ZNF141: variants seen among roughly 807,000 people sequenced by gnomAD.
ZNF141 encodes zinc finger protein 141 (clone pHZ-44).
A neutral mutation model predicts 11.3 loss-of-function variants in ZNF141; 7 were observed. The observed-to-expected ratio is 0.62, with a 90% CI of 0.35 to 1.16. The LOEUF (loss-of-function observed/expected upper bound fraction) is 1.16. Ranked by LOEUF, ZNF141 falls within the 50% of genes most tolerant of loss-of-function variation. The pLI is 0.02. For synonymous variants in ZNF141, 183 were observed against 190.7 expected, an observed-to-expected ratio of 0.96 and a Z score of 0.33; for missense variants, 535 against 554.0, an observed-to-expected ratio of 0.97 and a Z score of 0.34.
At chr4:361,140 C>A (rs1306805343) in intron 3 of ZNF141, among the ~76,000 whole-genome samples, 1 of 152,128 alleles carries the variant, frequency 6.6e-6, no homozygotes, top group Admixed American at 6.6e-5. Flanking sequence ...GAGCTAAGTA[C>A]ATTTACATTA....
chr4:358,882 A>C (rs1303021210), intron 3 of ZNF141, among the ~76,000 whole-genome samples: 1 of 152,068 alleles, frequency 6.6e-6, no homozygotes, highest in Non-Finnish European at 1.5e-5. Context: ...ACTCTTATTG[A>C]GATTTTTTAA....
At chr4:345,526 C>G (rs1553849395) in intron 3 of ZNF141, among the ~76,000 whole-genome samples, 1 of 151,928 alleles carries the variant, frequency 6.6e-6, no homozygotes, top group East Asian at 1.9e-4. Flanking sequence ...ATCGGGAGTA[C>G]AAGACTAGCC....
At chr4:352,086 G>T (rs1240904521) in intron 3 of ZNF141, among the ~76,000 whole-genome samples, 1 of 152,122 alleles carries the variant, frequency 6.6e-6, no homozygotes, top group East Asian at 1.9e-4. Flanking sequence ...GAGCAAACAA[G>T]ATTAGAAACA....
intron 3 of ZNF141, among the ~76,000 whole-genome samples, chr4:345,802 A>T (rs1451880214): frequency 6.6e-6 from 1 of 152,146 alleles, no homozygotes; most frequent in Non-Finnish European, 1.5e-5. Context: ...AAGCAAAAAA[A>T]GTCCTTGCAT....
At chr4:358,134 T>C in intron 3 of ZNF141, 1 of 381,172 alleles carries the variant, frequency 2.6e-6, no homozygotes, top group South Asian at 1.9e-5. Context: ...TTTTTAGTTC[T>C]ATTGTGTACT....
rs1553854141 is a variant in ZNF141 at position 373,790 on chromosome 4, C to T, written c.1353C>T (p.Tyr451=). 1 of 1,614,090 alleles carries T rather than the reference C, an allele frequency of 6.2e-7. No individual in the cohort carries two copies. The highest frequency in any genetic ancestry group is 2.2e-5 in the East Asian group (1 of 44,880). ...HKKIHTVDKP[Y]KCKDCDKAFK... Reference sequence around the variant, plus strand: ...AAATTCATACTGTAGATAAACCCTACAAATGTAAAGATTGTGACAAAGCCT... The same window carrying T: ...AAATTCATACTGTAGATAAACCCTATAAATGTAAAGATTGTGACAAAGCCT... Residue 451 remains tyrosine, a synonymous_variant, in exon 4 of 4, where the codon TAC becomes TAT. Transcript: ENST00000240499.
chr4:353,137 A>G (rs1308145808), intron 3 of ZNF141, among the ~76,000 whole-genome samples: 1 of 152,134 alleles, frequency 6.6e-6, no homozygotes, highest in Non-Finnish European at 1.5e-5. Context: ...CTTTGGAAGG[A>G]CGAGGAGTGC....
chr4:370,021 G>A (rs1051745440), intron 3 of ZNF141, among the ~76,000 whole-genome samples: 1 of 151,242 alleles, frequency 6.6e-6, no homozygotes, highest in East Asian at 1.9e-4. Context: ...TGCCTCAGCC[G>A]CTCAAAGTGC....
At position 367,581 on chromosome 4, in the gene ZNF141, A is replaced by G. The variant is rs576689120; in HGVS notation, c.227-5083A>G. Among the ~76,000 whole-genome samples the G allele has an allele frequency of 8.1e-5, 12 of 148,654 alleles. No homozygotes were observed. The East Asian group carries it at 2.4e-3, about 29-fold the overall frequency. On this transcript the variant is annotated intron_variant, in intron 3 of 3. Transcript: ENST00000240499. ...ACCCAGGCTGGAGTGCAGTGGTGCG[A>G]TATCAGTTCACTGCAACCTCTGCCT...
At chr4:342,344 G>A (rs1721087434) in intron 1 of ZNF141, among the ~76,000 whole-genome samples, 1 of 152,098 alleles carries the variant, frequency 6.6e-6, no homozygotes, top group Admixed American at 6.6e-5. Flanking sequence ...AACCTTATAG[G>A]GTCTGCAGAG....
chr4:368,478 G>A (rs1282496930), intron 3 of ZNF141, among the ~76,000 whole-genome samples: 3 of 152,156 alleles, frequency 2.0e-5, no homozygotes, highest in Non-Finnish European at 4.4e-5. Context: ...CTGACCTCAA[G>A]CGATCCACCT....
chr4:349,765 C>A (rs1721503451), intron 3 of ZNF141, among the ~76,000 whole-genome samples: 1 of 151,998 alleles, frequency 6.6e-6, no homozygotes, highest in Admixed American at 6.6e-5. Context: ...TTTGGACAGT[C>A]ATGGATTATT....
chr4:350,104 C>T (rs1553850199), intron 3 of ZNF141: 1 of 532,122 alleles, frequency 1.9e-6, no homozygotes, highest in Admixed American at 1.9e-5. Flanking sequence ...AGGACCACGT[C>T]TGGACTGTAG....
chr4:344,996 T>C (rs1553849294), intron 3 of ZNF141, among the ~76,000 whole-genome samples: 1 of 152,214 alleles, frequency 6.6e-6, no homozygotes, highest in East Asian at 1.9e-4. Flanking sequence ...ACTTTATCGC[T>C]TATAAGGGGC....
intron 3 of ZNF141, among the ~76,000 whole-genome samples, chr4:363,895 C>A (rs1553852584): frequency 6.6e-6 from 1 of 152,030 alleles, no homozygotes; most frequent in Non-Finnish European, 1.5e-5. Context: ...GAGTTTTTAG[C>A]TTGAAGGGCT....
intron 1 of ZNF141, among the ~76,000 whole-genome samples, chr4:341,649 A>G (rs1553848483): frequency 6.6e-6 from 1 of 152,150 alleles, no homozygotes; most frequent in African/African-American, 2.4e-5. Context: ...AGAGAGCAGA[A>G]GCCTAGGGCC....
At chr4:364,186 C>A (rs1553852635) in intron 3 of ZNF141, among the ~76,000 whole-genome samples, 2 of 152,182 alleles carry the variant, frequency 1.3e-5, no homozygotes, top group African/African-American at 4.8e-5. Flanking sequence ...GCTTTGGTAT[C>A]AGAATGATGC....
At chr4:365,012 G>A (rs1711669417) in intron 3 of ZNF141, among the ~76,000 whole-genome samples, 1 of 152,228 alleles carries the variant, frequency 6.6e-6, no homozygotes, top group Non-Finnish European at 1.5e-5. Flanking sequence ...TGGCTGCTTT[G>A]TTTACTTACT....
chr4:364,675 A>G (rs2108717339), intron 3 of ZNF141, among the ~76,000 whole-genome samples: 1 of 152,180 alleles, frequency 6.6e-6, no homozygotes, highest in South Asian at 2.1e-4. Context: ...AGCGGCAAAT[A>G]TTGCTGCCTG....
Sources: gnomAD v4.1 joint callset for allele counts (sites outside exome capture counted in the v4.1 genomes callset) on GRCh38, gnomAD v4.1.1 for gene constraint, MANE v1.5 for transcripts, NCBI Gene and HGNC (gene_info 2026-07-23, HGNC 2026-07-21) for gene names.